Variants in CATSPERD observed in about 807,000 individuals in gnomAD.
CATSPERD encodes catsper channel auxiliary subunit delta, also known as cation channel sperm-associated auxiliary subunit delta.
A neutral mutation model predicts 98.1 loss-of-function variants in CATSPERD; 86 were observed. The ratio of observed to expected loss-of-function variants is 0.88; its 90% confidence interval spans 0.74 to 1.05. CATSPERD has a LOEUF of 1.05. Ranked by LOEUF, CATSPERD falls within the 50% of genes least tolerant of loss-of-function variation. The probability of loss-of-function intolerance (pLI) is 0.00; values close to 1 mark genes in which losing one functional copy is unlikely to be tolerated. For synonymous variants in CATSPERD, 394 were observed against 390.2 expected (o/e 1.01, Z -0.12); for missense variants, 995 against 1,005.7 (o/e 0.99, Z 0.14).
At chr19:5,746,130 T>C (rs1010383756) in intron 9 of CATSPERD, 67 bp downstream of exon 9, 7 of 1,571,114 alleles carry the variant, frequency 4.5e-6, no homozygotes, top group Middle Eastern at 2.2e-4. Context: ...GAGTACAGCC[T>C]GGATAAGGGG....
chr19:5,778,322 G>T, intron 21 of CATSPERD, 54 bp from the exon 22 acceptor site: 1 of 1,519,478 alleles, frequency 6.6e-7, no homozygotes, highest in Non-Finnish European at 9.0e-7. Context: ...GAGATAAGGC[G>T]AAGTCCCCCA....
Position 5,742,177 on chromosome 19 carries a change from T to C in CATSPERD, c.574-2250T>C, listed in dbSNP as rs112307132. 2.5e-4 allele frequency among the ~76,000 whole-genome samples: 37 copies of C among 148,542 alleles called. 1 individual carries two copies. Among genetic ancestry groups the C allele is most frequent in the African/African-American group, 9.2e-4 (36 of 39,168 alleles). On this transcript the variant is annotated intron_variant, in intron 7 of 21. Transcript: ENST00000381624. ...GTGAACGTGTGTGTGCGTGTGTGTA[T>C]GTATGTGAACGTGTGTGCGTGTACA...
intron 13 of CATSPERD, among the ~76,000 whole-genome samples, chr19:5,757,472 T>C (rs1413402411): frequency 6.6e-6 from 1 of 151,538 alleles, no homozygotes; most frequent in Admixed American, 6.6e-5. Flanking sequence ...TAATTTTGTA[T>C]TTTTAGTAGA....
In CATSPERD at chr19:5,778,685, C is replaced by T. The variant is rs770024347; in HGVS notation, c.*9C>T. 5 of 1,607,918 alleles carry T rather than the reference C, an allele frequency of 3.1e-6. No homozygotes were observed. In the Admixed American group the frequency reaches 8.4e-5, roughly 27 times the overall value. On this transcript the variant is annotated 3_prime_UTR_variant, in exon 22 of 22. Transcript: ENST00000381624. The stretch of plus-strand genomic sequence containing the variant: ...GCAGGTCTGACCACTGAGGCCGGTC[C>T]ACAGGGTCCCAACCCCTTGTCTTCA...
chr19:5,759,092 T>C lies in CATSPERD; in HGVS notation c.1375T>C (p.Phe459Leu), dbSNP rs1215067624. ...DGNTKYKLDIFLKQQQHWGRT... is the reference protein window; with the variant it reads ...DGNTKYKLDILLKQQQHWGRT... ...TTCTCTCTTGACCCCACAGGATATT[T>C]TCCTAAAACAGCAGCAGCACTGGGG... Residue 459 changes from phenylalanine (F) to leucine (L), a missense_variant, in exon 15 of 22, where the codon TTC (phenylalanine) becomes CTC (leucine). This residue lies in a region of CATSPERD where 762 missense variants were observed against 773.7 expected (regional missense o/e 0.98). Transcript: ENST00000381624. The C allele has an allele frequency of 1.2e-6, 2 of 1,613,836 alleles. No individual in the cohort carries two copies. The highest frequency in any genetic ancestry group is 1.7e-6 in the Non-Finnish European group (2 of 1,179,914).
At chr19:5,750,980 C>T (rs937677899) in intron 11 of CATSPERD, among the ~76,000 whole-genome samples, 1 of 151,206 alleles carries the variant, frequency 6.6e-6, no homozygotes, top group East Asian at 1.9e-4. Context: ...TTTTGGGAGG[C>T]CGAGGCAGGT....
At chr19:5,777,798 C>A (rs1449740358) in intron 21 of CATSPERD, among the ~76,000 whole-genome samples, 2 of 150,774 alleles carry the variant, frequency 1.3e-5, no homozygotes, top group Non-Finnish European at 3.0e-5. Flanking sequence ...TCGCTTGAAC[C>A]CGGGAGGCAG....
intron 21 of CATSPERD, among the ~76,000 whole-genome samples, chr19:5,776,865 G>A (rs748560686): frequency 2.0e-5 from 3 of 146,538 alleles, no homozygotes; most frequent in African/African-American, 5.0e-5. Flanking sequence ...GTAACAGAGC[G>A]AGACTCCATC....
intron 3 of CATSPERD, 40 bp downstream of exon 3, chr19:5,727,384 T>C (rs763471291): frequency 7.3e-7 from 1 of 1,368,632 alleles, no homozygotes; most frequent in South Asian, 1.2e-5. Context: ...TCCTTTTAAA[T>C]TAAATCTTTA....
Position 5,778,635 on chromosome 19 carries a change from G to GGA in CATSPERD, c.2357_2358dup (p.Arg787AspfsTer29), listed in dbSNP as rs769040349. The GGA allele has an allele frequency of 5.0e-6, 8 of 1,613,552 alleles. No homozygotes were observed. The East Asian group carries it at 1.6e-4, about 31-fold the overall frequency. ...AGCCAGGGCAGGCACAGAGCCCCCG[G>GGA]GACGCCACCGCACTCCTCACGGAGG... On this transcript the variant is annotated frameshift_variant, in exon 22 of 22. Transcript: ENST00000381624. LOFTEE classifies it low-confidence loss of function (END_TRUNC).
intron 4 of CATSPERD, among the ~76,000 whole-genome samples, chr19:5,733,590 C>T (rs2055778951): frequency 6.6e-6 from 1 of 151,592 alleles, no homozygotes; most frequent in Non-Finnish European, 1.5e-5. Flanking sequence ...TCAAGTAGCT[C>T]GGATTACAGG....
intron 7 of CATSPERD, among the ~76,000 whole-genome samples, chr19:5,743,530 CAG>C (rs1367303512): frequency 6.7e-6 from 1 of 150,284 alleles, no homozygotes; most frequent in Non-Finnish European, 1.5e-5. Flanking sequence ...ACCCAGGAGA[CAG>C]AGGTTGCAGT....
At position 5,733,432 on chromosome 19, in the gene CATSPERD, C is replaced by T. The variant is rs566085039; in HGVS notation, c.277-424C>T. On this transcript the variant is annotated intron_variant, in intron 4 of 21. Coordinates refer to ENST00000381624, the MANE Select transcript of CATSPERD (RefSeq NM_152784.4). ...CTCCTTCCTTCCTTCCTTCCTTCCT[C>T]CTTTCTTTCTTTCTTTCTCTCTCTC... is the stretch of plus-strand genomic sequence containing the variant. Among the ~76,000 whole-genome samples, 194 of 144,790 alleles carry T rather than the reference C, an allele frequency of 1.3e-3. 1 individual carries two copies. Among genetic ancestry groups the T allele is most frequent in the African/African-American group, 4.8e-3 (186 of 38,948 alleles). 95.0% of individuals were successfully genotyped at this position (144,790 alleles called of 152,430 possible).
intron 2 of CATSPERD, among the ~76,000 whole-genome samples, chr19:5,726,261 C>T (rs2055602295): frequency 6.6e-6 from 1 of 151,836 alleles, no homozygotes; most frequent in Non-Finnish European, 1.5e-5. Context: ...GGGGTTTCAC[C>T]ATGTTGGCCC....
intron 7 of CATSPERD, among the ~76,000 whole-genome samples, chr19:5,743,400 C>T (rs1450163550): frequency 6.6e-6 from 1 of 151,948 alleles, no homozygotes; most frequent in East Asian, 1.9e-4. Flanking sequence ...GAGTTTGAGA[C>T]CAGCCTGGCC....
chr19:5,767,256 G>A (rs1012050836), intron 17 of CATSPERD, among the ~76,000 whole-genome samples: 1 of 129,090 alleles, frequency 7.7e-6, no homozygotes, highest in Non-Finnish European at 1.6e-5. Flanking sequence ...GGCGGAACTT[G>A]AAGTGAGCCG....
intron 7 of CATSPERD, among the ~76,000 whole-genome samples, chr19:5,744,213 C>T (rs2056052176): frequency 6.6e-6 from 1 of 152,102 alleles, no homozygotes; most frequent in African/African-American, 2.4e-5. Context: ...CTGCTGACCT[C>T]AGGTGATCCA....
intron 7 of CATSPERD, among the ~76,000 whole-genome samples, chr19:5,743,504 A>C (rs988096017): frequency 3.3e-5 from 5 of 151,116 alleles, no homozygotes; most frequent in African/African-American, 1.2e-4. Context: ...ATGGGGAGGC[A>C]GGGAGGATTG....
In CATSPERD at chr19:5,733,336, C is replaced by CTT. The variant is rs772518866; in HGVS notation, c.277-518_277-517dup. On this transcript the variant is annotated intron_variant, in intron 4 of 21. Transcript: ENST00000381624. The stretch of plus-strand genomic sequence containing the variant: ...CTTTCTTTCTTTCTTTCTTTCTTTC[C>CTT]TTTCTTTCTTTCTTCCTTCCTTCCC... Among the ~76,000 whole-genome samples the CTT allele has an allele frequency of 2.3e-4, 26 of 112,176 alleles. 1 individual carries two copies. The East Asian group carries it at 9.3e-3, about 40-fold the overall frequency. The allele number at this position is 112,176 out of a possible 152,430, so 73.6% of individuals were successfully genotyped here. A position where few individuals can be genotyped will look rare whatever the true frequency, so the allele number is the denominator to read the frequency against.
Sources: allele counts gnomAD v4.1 joint callset (sites outside exome capture counted in the v4.1 genomes callset), GRCh38; gene constraint gnomAD v4.1.1; regional missense constraint gnomAD v4.1.1; transcripts MANE v1.5; gene names NCBI Gene and HGNC (gene_info 2026-07-23, HGNC 2026-07-21).